Variants in PRAG1 observed in about 807,000 individuals in gnomAD.
PRAG1 encodes inactive tyrosine-protein kinase PRAG1.
Under a neutral mutation model 95.6 loss-of-function variants are expected in PRAG1, and 110 were observed. The ratio of observed to expected loss-of-function variants is 1.15; its 90% confidence interval spans 0.99 to 1.35. The LOEUF is 1.35. PRAG1 is among the 40% of genes most tolerant of loss of function. The pLI is 0.00. For missense variants in PRAG1, 2,554 were observed against 1,864.7 expected, an observed-to-expected ratio of 1.37 and a Z score of -6.81; for synonymous variants, 1,052 against 819.4, an observed-to-expected ratio of 1.28 and a Z score of -4.85.
chr8:8,345,046 G>GGGGTGTGTGTGTGT (rs1346555417), intron 3 of PRAG1, among the ~76,000 whole-genome samples: 5 of 133,992 alleles, frequency 3.7e-5, no homozygotes, highest in African/African-American at 1.1e-4. Context: ...TTATCCGCAG[G>GGGGTGTGTGTGTGT]GTGTGTGTGT....
intron 3 of PRAG1, among the ~76,000 whole-genome samples, chr8:8,372,726 A>G (rs1416412692): frequency 2.6e-5 from 4 of 152,234 alleles, no homozygotes; most frequent in Admixed American, 6.5e-5. Context: ...AAAGACAGAT[A>G]AGCTACTGCC....
intron 3 of PRAG1, among the ~76,000 whole-genome samples, chr8:8,361,293 TAAGGA>T (rs1435445439): frequency 2.0e-5 from 3 of 152,146 alleles, no homozygotes; most frequent in Non-Finnish European, 4.4e-5. Context: ...GTCCTTTCTT[TAAGGA>T]AGGATATTTA....
chr8:8,384,980 G>A (rs922312170), intron 1 of PRAG1, among the ~76,000 whole-genome samples: 1 of 152,178 alleles, frequency 6.6e-6, no homozygotes, highest in Admixed American at 6.5e-5. Context: ...GACTGAAGCT[G>A]TCAGATACAC....
intron 3 of PRAG1, among the ~76,000 whole-genome samples, chr8:8,370,095 T>C (rs1384807940): frequency 6.6e-6 from 1 of 152,246 alleles, no homozygotes; most frequent in South Asian, 2.1e-4. Context: ...CAAGAATGTA[T>C]GCTCAAAATT....
At chr8:8,355,786 A>G (rs1452819919) in intron 3 of PRAG1, among the ~76,000 whole-genome samples, 1 of 152,222 alleles carries the variant, frequency 6.6e-6, no homozygotes, top group East Asian at 1.9e-4. Context: ...CAAAATGGAT[A>G]GAAGGCCTAA....
intron 5 of PRAG1, among the ~76,000 whole-genome samples, chr8:8,325,677 G>A (rs1798615056): frequency 6.6e-6 from 1 of 152,062 alleles, no homozygotes; most frequent in South Asian, 2.1e-4. Context: ...TTCGGAGGCC[G>A]AGGCAGGTGG....
Position 8,377,050 on chromosome 8 carries a change from C to G in PRAG1, c.1359G>C (p.Gln453His). ...GQVCTGNAWAQKAASGWGRDS... is the reference protein window; with the variant it reads ...GQVCTGNAWAHKAASGWGRDS... The stretch of plus-strand genomic sequence containing the variant: ...CCCGGCCCCAGCCAGATGCTGCTTT[C>G]TGGGCCCAGGCATTACCTGTGCATA... Residue 453 changes from glutamine to histidine, a missense_variant, in exon 3 of 6, where the codon CAG (glutamine) becomes CAC (histidine). Transcript: ENST00000615670. 1 of 1,614,056 alleles carries G rather than the reference C, an allele frequency of 6.2e-7. No homozygotes were observed. The highest frequency in any genetic ancestry group is 8.5e-7 in the Non-Finnish European group (1 of 1,180,038).
intron 3 of PRAG1, among the ~76,000 whole-genome samples, chr8:8,361,532 T>A (rs1319605383): frequency 6.6e-6 from 1 of 152,186 alleles, no homozygotes; most frequent in Non-Finnish European, 1.5e-5. Flanking sequence ...CTCTTCCTTG[T>A]TCTCCTGTCC....
chr8:8,383,299 G>C (rs572128411), intron 1 of PRAG1, among the ~76,000 whole-genome samples: 2 of 152,264 alleles, frequency 1.3e-5, no homozygotes, highest in Non-Finnish European at 1.5e-5. Flanking sequence ...GGCCAGGCGC[G>C]GTGGCTCACG....
At chr8:8,381,910 C>G (rs1000347174) in intron 1 of PRAG1, 76 bp from the exon 2 acceptor site, 4 of 575,680 alleles carry the variant, frequency 6.9e-6, no homozygotes, top group Non-Finnish European at 1.2e-5. Flanking sequence ...TAGAGTCTCA[C>G]TATTTGATCA....
Position 8,376,906 on chromosome 8 carries a change from C to G in PRAG1, c.1503G>C (p.Trp501Cys). ...AGTTCTGGCTCACAGGCCCTCGTGG[C>G]CACTGCACCCCCACTGCAGAGTCAG... ...SSPDSAVGVQ[W>C]PRGPVSQNSE... is the part of the protein sequence containing the mutation. The change falls in exon 3 of 6, where the codon TGG (tryptophan) becomes TGC (cysteine). Residue 501 changes from tryptophan to cysteine, a missense_variant. Physicochemically the swap from Trp to Cys is radical, Grantham distance 215 (BLOSUM62 -2). Coordinates refer to ENST00000615670, the MANE Select transcript of PRAG1 (RefSeq NM_001080826.3). The G allele has an allele frequency of 1.2e-6, 2 of 1,613,348 alleles. No homozygotes were observed. The highest frequency in any genetic ancestry group is 1.7e-6 in the Non-Finnish European group (2 of 1,180,028).
chr8:8,355,650 C>T (rs73523418), intron 3 of PRAG1, among the ~76,000 whole-genome samples: 1 of 152,056 alleles, frequency 6.6e-6, no homozygotes, highest in African/African-American at 2.4e-5. Context: ...TAGTTTTTGA[C>T]AAGAGCATCA....
intron 5 of PRAG1, among the ~76,000 whole-genome samples, chr8:8,322,136 C>A (rs1798490249): frequency 1.3e-5 from 2 of 152,154 alleles, no homozygotes; most frequent in African/African-American, 4.8e-5. Flanking sequence ...AGCACTTCAG[C>A]CCTATGCTTC....
At chr8:8,362,959 G>A (rs935442813) in intron 3 of PRAG1, among the ~76,000 whole-genome samples, 2 of 152,036 alleles carry the variant, frequency 1.3e-5, no homozygotes, top group Non-Finnish European at 2.9e-5. Context: ...ATAAGGAAGA[G>A]ACATAAGCTG....
chr8:8,353,240 C>T (rs920495854), intron 3 of PRAG1, among the ~76,000 whole-genome samples: 2 of 152,144 alleles, frequency 1.3e-5, no homozygotes, highest in African/African-American at 4.8e-5. Flanking sequence ...ATAGAACTTT[C>T]CATATAACAG....
At chr8:8,360,846 C>G (rs1440760604) in intron 3 of PRAG1, among the ~76,000 whole-genome samples, 2 of 152,132 alleles carry the variant, frequency 1.3e-5, no homozygotes, top group African/African-American at 4.8e-5. Context: ...TTAAATCTTT[C>G]ATATTATCTC....
chr8:8,366,976 T>C, intron 3 of PRAG1, among the ~76,000 whole-genome samples: 1 of 152,232 alleles, frequency 6.6e-6, no homozygotes, highest in East Asian at 1.9e-4. Flanking sequence ...CCCAGCTACA[T>C]CATGCATTTT....
At chr8:8,349,525 A>C (rs180895825) in intron 3 of PRAG1, among the ~76,000 whole-genome samples, 2,295 of 151,998 alleles carry the variant, frequency 0.015, 46 homozygotes, top group African/African-American at 0.053. Context: ...CTCGTGATCC[A>C]CCTGCCTCGG....
At chr8:8,352,921 C>T (rs1304929195) in intron 3 of PRAG1, among the ~76,000 whole-genome samples, 2 of 152,044 alleles carry the variant, frequency 1.3e-5, no homozygotes, top group Non-Finnish European at 2.9e-5. Context: ...GATGGCAATA[C>T]TTATATGAGA....
Sources: allele counts gnomAD v4.1 joint callset (sites outside exome capture counted in the v4.1 genomes callset), GRCh38; gene constraint gnomAD v4.1.1; transcripts MANE v1.5; gene names NCBI Gene and HGNC (gene_info 2026-07-23, HGNC 2026-07-21).